The following EFCAB6 variants were observed in gnomAD, a reference collection of about 807,000 sequenced individuals.
EFCAB6 encodes EF-hand calcium binding domain 6.
In EFCAB6, 156 loss-of-function variants were observed where a neutral mutation model predicts 169.8. That is an observed-to-expected ratio of 0.92 (90% CI 0.81 to 1.05). EFCAB6 has a LOEUF of 1.05. Among genes scored for constraint, EFCAB6 ranks in the 50% least tolerant of loss-of-function variants. EFCAB6 has a pLI of 0.00. For synonymous variants in EFCAB6, 698 were observed against 676.4 expected (o/e 1.03, Z -0.50); for missense variants, 1,800 against 1,829.1 (o/e 0.98, Z 0.29).
intron 10 of EFCAB6, among the ~76,000 whole-genome samples, chr22:43,701,459 CAGTT>C (rs2058762356): frequency 6.6e-6 from 1 of 151,998 alleles, no homozygotes; most frequent in Non-Finnish European, 1.5e-5. Context: ...AATAAAAAGG[CAGTT>C]GGTTGGACCA....
Position 43,628,185 on chromosome 22 carries a change from G to A in EFCAB6, c.2233-1506C>T, listed in dbSNP as rs2054659880. ...ATCAAACTCCTGACCTCCACCCCCT[G>A]TCCCCACCCTACTCCTCCTAAGTCT... On this transcript the variant is annotated intron_variant, in intron 19 of 31. Transcript: ENST00000262726. The surrounding 1 kb of genome is among the most constrained non-coding windows in gnomAD (Gnocchi z 4.8). Among the ~76,000 whole-genome samples the A allele has an allele frequency of 1.3e-5, 2 of 151,978 alleles. No individual in the cohort carries two copies. The highest frequency in any genetic ancestry group is 4.8e-5 in the African/African-American group (2 of 41,348).
At chr22:43,735,297 G>A (rs887082571) in intron 7 of EFCAB6, among the ~76,000 whole-genome samples, 3 of 149,590 alleles carry the variant, frequency 2.0e-5, no homozygotes, top group Non-Finnish European at 4.4e-5. Context: ...TCTGCTGTTC[G>A]TCACCCTCCT....
chr22:43,627,188 G>A (rs1049456755), intron 19 of EFCAB6, among the ~76,000 whole-genome samples: 8 of 152,210 alleles, frequency 5.3e-5, no homozygotes, highest in African/African-American at 1.2e-4. Flanking sequence ...CCACAAGCCT[G>A]CCACAACTGA....
Position 43,586,194 on chromosome 22 carries a change from A to G in EFCAB6, c.3032+3880T>C, listed in dbSNP as rs557368846. Reference sequence around the variant, plus strand: ...TTAAAAGCACACGGGTAAATGAATGACAGCCATGTCATCAGGTACAGAAGG... The same window carrying G: ...TTAAAAGCACACGGGTAAATGAATGGCAGCCATGTCATCAGGTACAGAAGG... On this transcript the variant is annotated intron_variant, in intron 24 of 31. Coordinates refer to ENST00000262726, the MANE Select transcript of EFCAB6 (RefSeq NM_022785.4). 1.1e-4 allele frequency among the ~76,000 whole-genome samples: 16 copies of G among 152,304 alleles called. No individual in the cohort carries two copies. The South Asian group carries it at 2.3e-3, about 22-fold the overall frequency.
chr22:43,567,976 G>GA (rs1419514331), intron 26 of EFCAB6, among the ~76,000 whole-genome samples: 4 of 152,186 alleles, frequency 2.6e-5, no homozygotes, highest in African/African-American at 9.7e-5. Flanking sequence ...GAAGCCTCCT[G>GA]AAAATCCCAA....
intron 26 of EFCAB6, among the ~76,000 whole-genome samples, chr22:43,574,274 TAC>T (rs1251586734): frequency 1.3e-5 from 2 of 151,882 alleles, no homozygotes; most frequent in Non-Finnish European, 2.9e-5. Context: ...CATGAATATA[TAC>T]ACACTGTCAT....
chr22:43,635,302 C>T, intron 17 of EFCAB6, 86 bp from the exon 18 acceptor site: 6 of 965,492 alleles, frequency 6.2e-6, no homozygotes, highest in Non-Finnish European at 1.0e-5. Flanking sequence ...CCTGTGCTGG[C>T]TCACAGCAGG....
intron 3 of EFCAB6, among the ~76,000 whole-genome samples, chr22:43,773,443 T>C (rs1354070639): frequency 6.6e-6 from 1 of 152,254 alleles, no homozygotes; most frequent in Non-Finnish European, 1.5e-5. Context: ...AAATATCATA[T>C]TCACCTTTCA....
chr22:43,570,946 G>A (rs1393825836), intron 26 of EFCAB6, among the ~76,000 whole-genome samples: 2 of 152,202 alleles, frequency 1.3e-5, no homozygotes, highest in Admixed American at 6.5e-5. Context: ...GCAGAGCAGC[G>A]GCCTGGGACC....
At chr22:43,559,600 T>C (rs2048906986) in intron 26 of EFCAB6, among the ~76,000 whole-genome samples, 1 of 152,150 alleles carries the variant, frequency 6.6e-6, no homozygotes, top group South Asian at 2.1e-4. Flanking sequence ...TAGCAAAGAC[T>C]TGGAACCAAC....
chr22:43,800,482 G>T (rs2062669965), intron 2 of EFCAB6, among the ~76,000 whole-genome samples: 1 of 152,152 alleles, frequency 6.6e-6, no homozygotes, highest in African/African-American at 2.4e-5. Flanking sequence ...AACAAAGCAA[G>T]GAATCAGTAA....
intron 28 of EFCAB6, among the ~76,000 whole-genome samples, chr22:43,539,659 C>G (rs1739442905): frequency 6.6e-6 from 1 of 152,182 alleles, no homozygotes. Context: ...TTTGACAGGC[C>G]TGGGCTTAAA....
intron 8 of EFCAB6, among the ~76,000 whole-genome samples, chr22:43,719,416 T>C (rs1290339944): frequency 1.3e-5 from 2 of 152,144 alleles, no homozygotes; most frequent in African/African-American, 4.8e-5. Flanking sequence ...TGTGCCCAAA[T>C]AGATGGTGCT....
chr22:43,667,876 G>A (rs775100125), intron 16 of EFCAB6, among the ~76,000 whole-genome samples: 1 of 152,182 alleles, frequency 6.6e-6, no homozygotes, highest in Non-Finnish European at 1.5e-5. Flanking sequence ...TATTTCCTCA[G>A]CTCTCTGGAA....
rs1354200840 is a variant in EFCAB6 at position 43,744,911 on chromosome 22, G to A, written c.508-8918C>T. On this transcript the variant is annotated intron_variant, in intron 6 of 31. Transcript: ENST00000262726. This position sits in a 1 kb window ranked among gnomAD's most constrained non-coding sequence, Gnocchi z 4.3. Reference sequence around the variant, plus strand: ...CTCGGGCTTGGAGGAGCTGAGAAGGGCGTGCTGAACCAGCCCCACACTTGA... The same window carrying A: ...CTCGGGCTTGGAGGAGCTGAGAAGGACGTGCTGAACCAGCCCCACACTTGA... Among the ~76,000 whole-genome samples the A allele has an allele frequency of 1.3e-5, 2 of 152,140 alleles. No individual in the cohort carries two copies. Among genetic ancestry groups the A allele is most frequent in the Non-Finnish European group, 2.9e-5 (2 of 68,032 alleles).
intron 27 of EFCAB6, among the ~76,000 whole-genome samples, chr22:43,546,445 C>T (rs1438931301): frequency 2.6e-5 from 4 of 152,054 alleles, no homozygotes; most frequent in Admixed American, 6.6e-5. Flanking sequence ...AACATAAAGG[C>T]GCGGCCTTAA....
At chr22:43,618,995 T>C (rs1388337355) in intron 20 of EFCAB6, among the ~76,000 whole-genome samples, 1 of 151,310 alleles carries the variant, frequency 6.6e-6, no homozygotes, top group Non-Finnish European at 1.5e-5. Flanking sequence ...GGCTAAAACC[T>C]AAGATTTTCT....
At chr22:43,562,660 G>A (rs1397436939) in intron 26 of EFCAB6, among the ~76,000 whole-genome samples, 1 of 27,742 alleles carries the variant, frequency 3.6e-5, no homozygotes, top group Non-Finnish European at 7.1e-5. Context: ...GAGGCAGCCC[G>A]GTGGGGGATG....
intron 6 of EFCAB6, among the ~76,000 whole-genome samples, chr22:43,736,770 G>A (rs181476852): frequency 8.0e-4 from 121 of 152,184 alleles, no homozygotes; most frequent in African/African-American, 2.9e-3. Flanking sequence ...CTCTGAAGGA[G>A]GTACCATTTC....
Sources: allele counts gnomAD v4.1 joint callset (sites outside exome capture counted in the v4.1 genomes callset), GRCh38; gene constraint gnomAD v4.1.1; non-coding constraint Gnocchi (gnomAD v3.1); transcripts MANE v1.5; gene names NCBI Gene and HGNC (gene_info 2026-07-23, HGNC 2026-07-21).